SORCS2: variants seen among roughly 807,000 people sequenced by gnomAD.
SORCS2 encodes VPS10 domain-containing receptor SorCS2.
In SORCS2, 100 loss-of-function variants were observed where a neutral mutation model predicts 141.6. The ratio of observed to expected loss-of-function variants is 0.71; its 90% CI spans 0.60 to 0.83. The LOEUF (loss-of-function observed/expected upper bound fraction) is 0.83. Ranked by LOEUF, SORCS2 falls within the 40% of genes least tolerant of loss-of-function variation. The pLI, the probability that SORCS2 is intolerant of heterozygous loss-of-function variation, is 0.00. For missense variants in SORCS2, 1,646 were observed against 1,560.2 expected (o/e 1.05, Z -0.93); for synonymous variants, 789 against 676.9 (o/e 1.17, Z -2.57).
chr4:7,608,822 G>A (rs1465940955), intron 3 of SORCS2, among the ~76,000 whole-genome samples: 1 of 152,104 alleles, frequency 6.6e-6, no homozygotes, highest in Admixed American at 6.5e-5. Flanking sequence ...CATCTGATCT[G>A]TACCAGATTC....
intron 9 of SORCS2, among the ~76,000 whole-genome samples, chr4:7,680,154 A>G (rs574771049): frequency 3.9e-4 from 60 of 152,352 alleles, no homozygotes; most frequent in African/African-American, 1.3e-3. Flanking sequence ...CTTCAGCTCC[A>G]GACCACACAG....
chr4:7,192,862 C>T lies in SORCS2; in HGVS notation c.216C>T (p.Pro72=). 1 of 1,063,128 alleles carries T rather than the reference C, an allele frequency of 9.4e-7. No homozygotes were observed. The highest frequency in any genetic ancestry group is 1.1e-6 in the Non-Finnish European group (1 of 882,392). 65.9% of individuals were successfully genotyped at this position (1,063,128 alleles called of 1,614,324 possible). ...AQLTRVPRSP[P]AGRAEPGGGE... is the part of the protein sequence containing the mutation. Reference sequence around the variant, plus strand: ...TGACCCGGGTGCCGCGGAGCCCTCCCGCGGGGCGCGCGGAGCCCGGTGGCG... The same window carrying T: ...TGACCCGGGTGCCGCGGAGCCCTCCTGCGGGGCGCGCGGAGCCCGGTGGCG... The change falls in exon 1 of 27, where the codon CCC becomes CCT. Residue 72 remains proline (P), a synonymous_variant. Transcript: ENST00000507866. The surrounding 1 kb of genome is among the most constrained non-coding windows in gnomAD (Gnocchi z 4.0).
intron 14 of SORCS2, among the ~76,000 whole-genome samples, chr4:7,707,944 G>A (rs1189709617): frequency 6.6e-6 from 1 of 152,210 alleles, no homozygotes; most frequent in African/African-American, 2.4e-5. Context: ...TCCAAATCAG[G>A]ATGCTTCTCG....
chr4:7,292,387 G>C (rs1050459738), intron 1 of SORCS2, among the ~76,000 whole-genome samples: 1 of 152,198 alleles, frequency 6.6e-6, no homozygotes, highest in African/African-American at 2.4e-5. Flanking sequence ...TGAGTGCTCG[G>C]GAGATAAGAG....
chr4:7,586,396 C>T (rs1054329814), intron 3 of SORCS2, among the ~76,000 whole-genome samples: 4 of 152,110 alleles, frequency 2.6e-5, no homozygotes, highest in Non-Finnish European at 5.9e-5. Flanking sequence ...AAATGTGTGC[C>T]ATAGTGGTTT....
chr4:7,671,306 G>T (rs540516054), intron 8 of SORCS2, among the ~76,000 whole-genome samples: 29 of 151,756 alleles, frequency 1.9e-4, no homozygotes, highest in African/African-American at 6.8e-4. Context: ...AAGTTACGAG[G>T]CATACAAAGA....
chr4:7,419,355 G>A (rs1407538278), intron 2 of SORCS2, among the ~76,000 whole-genome samples: 1 of 152,156 alleles, frequency 6.6e-6, no homozygotes, highest in African/African-American at 2.4e-5. Context: ...CATGGGGTCT[G>A]GCTGGCCTTG....
chr4:7,441,006 A>T (rs1727625906), intron 2 of SORCS2, among the ~76,000 whole-genome samples: 1 of 151,654 alleles, frequency 6.6e-6, no homozygotes. Context: ...ACCGTGGGGG[A>T]AGGTGGAGAT....
At chr4:7,490,135 C>T (rs1024643225) in intron 2 of SORCS2, among the ~76,000 whole-genome samples, 2 of 152,124 alleles carry the variant, frequency 1.3e-5, no homozygotes, top group Admixed American at 1.3e-4. Flanking sequence ...GGGGTGCTGG[C>T]CTTGTTGCCT....
intron 1 of SORCS2, among the ~76,000 whole-genome samples, chr4:7,324,062 G>C (rs1719079968): frequency 1.3e-5 from 2 of 152,220 alleles, no homozygotes; most frequent in South Asian, 2.1e-4. Flanking sequence ...TCCCAGCCAG[G>C]GTCTTGCAGG....
intron 3 of SORCS2, among the ~76,000 whole-genome samples, chr4:7,539,838 G>C (rs1237013752): frequency 6.7e-6 from 1 of 149,466 alleles, no homozygotes; most frequent in Non-Finnish European, 1.5e-5. Flanking sequence ...TCCTGTTGTG[G>C]CTGCTCCGCC....
intron 3 of SORCS2, among the ~76,000 whole-genome samples, chr4:7,612,971 G>T (rs1336167036): frequency 1.3e-5 from 2 of 152,242 alleles, no homozygotes; most frequent in East Asian, 3.9e-4. Context: ...CAACAGCAGG[G>T]ACTGGCTCTC....
chr4:7,646,632 A>G (rs1264388219), intron 4 of SORCS2, among the ~76,000 whole-genome samples: 1 of 152,172 alleles, frequency 6.6e-6, no homozygotes, highest in Non-Finnish European at 1.5e-5. Context: ...TCTGTTTCAA[A>G]AAATCAAACT....
chr4:7,669,748 G>T (rs934206365), intron 8 of SORCS2, among the ~76,000 whole-genome samples: 6 of 152,136 alleles, frequency 3.9e-5, no homozygotes, highest in Non-Finnish European at 5.9e-5. Flanking sequence ...TTCTCCCCCA[G>T]TTCTTGGTCT....
chr4:7,239,908 A>T (rs1712571805), intron 1 of SORCS2, among the ~76,000 whole-genome samples: 1 of 152,150 alleles, frequency 6.6e-6, no homozygotes, highest in Non-Finnish European at 1.5e-5. Flanking sequence ...GGGAAGGTGG[A>T]CGTTGTTCCT....
chr4:7,676,424 AAG>A (rs1161717575), intron 9 of SORCS2, among the ~76,000 whole-genome samples, 195 bp downstream of exon 9: 3 of 152,216 alleles, frequency 2.0e-5, no homozygotes, highest in African/African-American at 7.2e-5. Flanking sequence ...TTTTTAGAGA[AAG>A]AGAATTTCCT....
chr4:7,248,775 A>G lies in SORCS2; in HGVS notation c.480+55649A>G, dbSNP rs1227063174. Among the ~76,000 whole-genome samples the G allele has an allele frequency of 4.6e-5, 7 of 152,340 alleles. No individual in the cohort carries two copies. The East Asian group carries it at 1.4e-3, about 29-fold the overall frequency. ...TTTGGCAAAAATAACTGATCACCTTAAGAAGACAAATGTTCCAGAGATTGG... is the reference window on the plus strand; with the variant it reads ...TTTGGCAAAAATAACTGATCACCTTGAGAAGACAAATGTTCCAGAGATTGG... On this transcript the variant is annotated intron_variant, in intron 1 of 26. Coordinates refer to ENST00000507866, the MANE Select transcript of SORCS2 (RefSeq NM_020777.3).
chr4:7,531,690 G>A, intron 3 of SORCS2, 61 bp downstream of exon 3: 1 of 1,519,592 alleles, frequency 6.6e-7, no homozygotes, highest in Non-Finnish European at 9.1e-7. Context: ...TCACTCTGCA[G>A]AGCAAGGAAG....
chr4:7,586,313 C>T (rs193218638), intron 3 of SORCS2, among the ~76,000 whole-genome samples: 4 of 152,118 alleles, frequency 2.6e-5, no homozygotes, highest in African/African-American at 4.8e-5. Context: ...CCCCCAATGA[C>T]GATGTTTTTT....
Sources: allele counts gnomAD v4.1 joint callset (sites outside exome capture counted in the v4.1 genomes callset), GRCh38; gene constraint gnomAD v4.1.1; non-coding constraint Gnocchi (gnomAD v3.1); transcripts MANE v1.5; gene names NCBI Gene and HGNC (gene_info 2026-07-23, HGNC 2026-07-21).